TENM2: variants seen among roughly 807,000 people sequenced by gnomAD.
The protein encoded by TENM2 is teneurin transmembrane protein 2, also known as teneurin-2.
In TENM2, 52 loss-of-function variants were observed where a neutral mutation model predicts 245.2. That is an observed-to-expected ratio of 0.21 (90% confidence interval 0.17 to 0.27). TENM2 has a LOEUF of 0.27. Ranked by LOEUF, TENM2 falls within the 10% of genes least tolerant of loss-of-function variation. TENM2 has a pLI of 1.00. For missense variants in TENM2, 3,046 were observed against 3,666.8 expected (o/e 0.83, Z 4.37); for synonymous variants, 1,363 against 1,438.9 (o/e 0.95, Z 1.19).
At chr5:167,188,999 T>C in the TENM2 span, among the ~76,000 whole-genome samples, 9 of 152,252 alleles carry the variant, frequency 5.9e-5, no homozygotes, top group African/African-American at 1.7e-4. Flanking sequence ...TTTATTTGCA[T>C]TTTAACACTT....
At chr5:167,569,649 G>A (rs1170477901) in intron 2 of TENM2, among the ~76,000 whole-genome samples, 4 of 152,180 alleles carry the variant, frequency 2.6e-5, no homozygotes, top group Non-Finnish European at 5.9e-5. Context: ...GTTGTTGCAA[G>A]GTTAGAAATT....
chr5:167,533,085 A>T (rs1355248399), intron 2 of TENM2, among the ~76,000 whole-genome samples: 1 of 152,174 alleles, frequency 6.6e-6, no homozygotes, highest in Non-Finnish European at 1.5e-5. Flanking sequence ...GTATATTAGT[A>T]GAAACTTGAA....
At chr5:167,776,275 C>CTA (rs1763766949) in intron 2 of TENM2, among the ~76,000 whole-genome samples, 1 of 150,938 alleles carries the variant, frequency 6.6e-6, no homozygotes, top group Non-Finnish European at 1.5e-5. Flanking sequence ...AAAATTCAGA[C>CTA]TATATATATC....
At chr5:167,934,942 A>G (rs1778584239) in intron 3 of TENM2, 5 of 984,438 alleles carry the variant, frequency 5.1e-6, no homozygotes, top group Non-Finnish European at 6.0e-6. Context: ...GATGGCTTTT[A>G]TTGACTTTCT....
At chr5:167,120,491 T>C in the TENM2 span, among the ~76,000 whole-genome samples, 2 of 152,210 alleles carry the variant, frequency 1.3e-5, no homozygotes, top group Non-Finnish European at 2.9e-5. Flanking sequence ...AAATCTTATC[T>C]AGCCTGTCTA....
chr5:167,744,544 G>C (rs961596607), intron 2 of TENM2, among the ~76,000 whole-genome samples: 2 of 152,180 alleles, frequency 1.3e-5, no homozygotes, highest in African/African-American at 4.8e-5. Flanking sequence ...TGATTTTTAA[G>C]TACTTTGGGC....
chr5:167,974,004 G>A (rs1446153595), intron 4 of TENM2, among the ~76,000 whole-genome samples: 1 of 81,732 alleles, frequency 1.2e-5, no homozygotes, highest in Admixed American at 1.3e-4. Context: ...AGGGAGAAAG[G>A]GAGGGAGGGA....
chr5:167,899,500 C>T (rs968162298), intron 3 of TENM2, among the ~76,000 whole-genome samples: 2 of 152,216 alleles, frequency 1.3e-5, no homozygotes, highest in African/African-American at 2.4e-5. Flanking sequence ...GTTAATTCAA[C>T]AACAACTCTC....
chr5:167,742,884 C>G (rs1467537107), intron 2 of TENM2, among the ~76,000 whole-genome samples: 2 of 151,922 alleles, frequency 1.3e-5, no homozygotes, highest in Admixed American at 1.3e-4. Context: ...AGAAGCACAA[C>G]TTGAGCCCAG....
intron 3 of TENM2, among the ~76,000 whole-genome samples, chr5:167,883,729 C>A (rs1039244211): frequency 6.6e-5 from 10 of 152,174 alleles, no homozygotes; most frequent in Admixed American, 1.3e-4. Flanking sequence ...GTTTCGTGCC[C>A]TAGTAATTTT....
intron 2 of TENM2, among the ~76,000 whole-genome samples, chr5:167,722,605 C>A (rs1263855683): frequency 6.6e-6 from 1 of 152,108 alleles, no homozygotes; most frequent in East Asian, 1.9e-4. Context: ...GAAACCCCAT[C>A]TCTACTAAAA....
the TENM2 span, among the ~76,000 whole-genome samples, chr5:167,135,753 G>A: frequency 3.7e-3 from 557 of 152,108 alleles, 2 homozygotes; most frequent in African/African-American, 0.013. Flanking sequence ...CCGAGATTGC[G>A]CAACTGCACT....
intron 5 of TENM2, among the ~76,000 whole-genome samples, chr5:168,012,659 A>AC (rs1352542477): frequency 2.0e-3 from 292 of 148,860 alleles, no homozygotes; most frequent in African/African-American, 7.0e-3. Flanking sequence ...AAAAAAAAAA[A>AC]ACAAAAAAAA....
intron 25 of TENM2, among the ~76,000 whole-genome samples, chr5:168,237,506 A>G (rs936888785): frequency 2.0e-5 from 3 of 152,098 alleles, no homozygotes; most frequent in South Asian, 4.1e-4. Flanking sequence ...TTCCCAGGCT[A>G]TTACAGATGA....
exon 5 of TENM2, chr5:167,993,138 T>C: frequency 1.9e-6 from 3 of 1,614,048 alleles, no homozygotes; most frequent in Non-Finnish European, 2.5e-6. Context: ...CTCTCCGCCA[T>C]TGCCGCGGCC....
chr5:167,879,230 G>T (rs987125506), intron 3 of TENM2, among the ~76,000 whole-genome samples: 3 of 152,192 alleles, frequency 2.0e-5, no homozygotes, highest in African/African-American at 7.2e-5. Flanking sequence ...GCATTCTTTA[G>T]TGAATGGTAC....
At chr5:168,034,381 A>G (rs1392061751) in intron 5 of TENM2, among the ~76,000 whole-genome samples, 1 of 150,980 alleles carries the variant, frequency 6.6e-6, no homozygotes, top group African/African-American at 2.4e-5. Flanking sequence ...AGGATGGTCA[A>G]TAAATAGGTA....
At chr5:167,801,685 A>T (rs1203708698) in intron 2 of TENM2, among the ~76,000 whole-genome samples, 1 of 152,110 alleles carries the variant, frequency 6.6e-6, no homozygotes, top group Non-Finnish European at 1.5e-5. Flanking sequence ...GGGGCAGGGG[A>T]TATGCCTCCT....
At chr5:167,322,209 ATTTGT>A (rs964946286) in intron 1 of TENM2, among the ~76,000 whole-genome samples, 8 of 90,648 alleles carry the variant, frequency 8.8e-5, no homozygotes, top group African/African-American at 3.8e-4. Flanking sequence ...GCTCAAAAAT[ATTTGT>A]TTTTTTTTTT....
Sources: gnomAD v4.1 joint callset for allele counts (sites outside exome capture counted in the v4.1 genomes callset) on GRCh38, gnomAD v4.1.1 for gene constraint, MANE v1.5 for transcripts, NCBI Gene and HGNC (gene_info 2026-07-23, HGNC 2026-07-21) for gene names.